SYT1: variants seen among roughly 807,000 people sequenced by gnomAD.
SYT1 encodes the protein synaptotagmin-1.
Under a neutral mutation model 44.8 loss-of-function variants are expected in SYT1, and 8 were observed. The ratio of observed to expected loss-of-function variants is 0.18; its 90% CI spans 0.10 to 0.32. The LOEUF is 0.32. Among genes scored for constraint, SYT1 ranks in the 10% least tolerant of loss-of-function variants. The probability of loss-of-function intolerance (pLI) is 1.00; values close to 1 mark genes in which losing one functional copy is unlikely to be tolerated. For missense variants in SYT1, 286 were observed against 509.3 expected (o/e 0.56, Z 4.22); for synonymous variants, 154 against 188.8 (o/e 0.82, Z 1.51).
At chr12:79,017,536 G>A (rs1871885937) in intron 2 of SYT1, among the ~76,000 whole-genome samples, 1 of 152,114 alleles carries the variant, frequency 6.6e-6, no homozygotes, top group South Asian at 2.1e-4. Flanking sequence ...GATAGATGAG[G>A]AGGGGGTTGT....
At chr12:78,967,488 G>A (rs1207982616) in intron 1 of SYT1, among the ~76,000 whole-genome samples, 2 of 152,102 alleles carry the variant, frequency 1.3e-5, no homozygotes, top group Non-Finnish European at 2.9e-5. Context: ...GCATTTCACT[G>A]GAAGAATCAA....
chr12:79,000,488 G>C (rs535721065), intron 2 of SYT1, among the ~76,000 whole-genome samples: 1 of 151,772 alleles, frequency 6.6e-6, no homozygotes, highest in African/African-American at 2.4e-5. Context: ...TAGTAGAGAC[G>C]GGGTTTCACT....
intron 4 of SYT1, among the ~76,000 whole-genome samples, chr12:79,278,428 G>A (rs574883055): frequency 9.3e-5 from 14 of 151,254 alleles, no homozygotes; most frequent in African/African-American, 3.2e-4. Flanking sequence ...GGTCAATGAT[G>A]AAATTAAGAC....
At chr12:79,041,278 T>A (rs1314024422) in intron 2 of SYT1, among the ~76,000 whole-genome samples, 2 of 152,208 alleles carry the variant, frequency 1.3e-5, no homozygotes, top group Non-Finnish European at 2.9e-5. Flanking sequence ...CTTCCATTTG[T>A]TTGTATCCTC....
At chr12:79,402,496 T>G (rs1885105947) in intron 9 of SYT1, among the ~76,000 whole-genome samples, 1 of 152,164 alleles carries the variant, frequency 6.6e-6, no homozygotes, top group Non-Finnish European at 1.5e-5. Context: ...ACAATACCAC[T>G]CTTGGATGGG....
chr12:78,864,385 GCT>G (rs1592503251), upstream of SYT1: 1 of 150,004 alleles, frequency 6.7e-6, no homozygotes, highest in Admixed American at 6.6e-5. Context: ...TTTGTATTAT[GCT>G]CTCTTTCTCC....
chr12:79,040,955 A>G (rs1266557342), intron 2 of SYT1, among the ~76,000 whole-genome samples: 6 of 151,586 alleles, frequency 4.0e-5, no homozygotes, highest in Admixed American at 3.9e-4. Context: ...GTTATTTCTG[A>G]GGGCTCTGTT....
At chr12:79,318,054 T>A (rs991848169) in intron 8 of SYT1, among the ~76,000 whole-genome samples, 5 of 152,236 alleles carry the variant, frequency 3.3e-5, no homozygotes, top group Non-Finnish European at 7.3e-5. Context: ...CAAAAATGTA[T>A]GGTTCCCTAA....
intron 9 of SYT1, among the ~76,000 whole-genome samples, chr12:79,365,659 T>C (rs1222353639): frequency 1.3e-5 from 2 of 152,046 alleles, no homozygotes; most frequent in East Asian, 3.8e-4. Flanking sequence ...AAAATTTACT[T>C]GCTGCTGCTT....
At chr12:79,257,440 C>A (rs1344527149) in intron 4 of SYT1, among the ~76,000 whole-genome samples, 5 of 152,228 alleles carry the variant, frequency 3.3e-5, no homozygotes, top group African/African-American at 1.2e-4. Flanking sequence ...CTGTTAACAG[C>A]ATCCCATTGT....
chr12:79,033,149 G>A (rs1438028702), intron 2 of SYT1, among the ~76,000 whole-genome samples: 1 of 151,290 alleles, frequency 6.6e-6, no homozygotes, highest in Non-Finnish European at 1.5e-5. Context: ...TGGAAGCTGA[G>A]AAAACAGCTC....
At chr12:79,068,185 C>G (rs1472965822) in intron 3 of SYT1, among the ~76,000 whole-genome samples, 2 of 152,120 alleles carry the variant, frequency 1.3e-5, no homozygotes, top group Non-Finnish European at 2.9e-5. Context: ...AGTCAACTTT[C>G]AATCTGGTTT....
intron 2 of SYT1, among the ~76,000 whole-genome samples, chr12:79,004,412 A>G (rs181161353): frequency 3.0e-4 from 46 of 152,070 alleles, no homozygotes; most frequent in African/African-American, 1.1e-3. Flanking sequence ...ACTGAGCTCT[A>G]CACAAATTTT....
intron 3 of SYT1, among the ~76,000 whole-genome samples, chr12:79,106,638 T>A (rs1198906311): frequency 6.6e-6 from 1 of 151,562 alleles, no homozygotes; most frequent in African/African-American, 2.4e-5. Flanking sequence ...AAGCCTAGAA[T>A]AACTTCCTAA....
chr12:79,445,632 C>A (rs1350105959), intron 10 of SYT1, among the ~76,000 whole-genome samples: 1 of 151,738 alleles, frequency 6.6e-6, no homozygotes, highest in Non-Finnish European at 1.5e-5. Flanking sequence ...AGGATTCATT[C>A]TTTTTTATGG....
intron 1 of SYT1, among the ~76,000 whole-genome samples, chr12:78,957,794 A>G (rs1168533984): frequency 6.6e-6 from 1 of 152,102 alleles, no homozygotes; most frequent in Non-Finnish European, 1.5e-5. Flanking sequence ...GTTTTCAAAT[A>G]ATACTCACAA....
chr12:78,905,734 A>G (rs1875943181), intron 1 of SYT1, among the ~76,000 whole-genome samples: 1 of 152,108 alleles, frequency 6.6e-6, no homozygotes, highest in Non-Finnish European at 1.5e-5. Flanking sequence ...TTTTAAGGGA[A>G]ATGACCTAGG....
intron 1 of SYT1, among the ~76,000 whole-genome samples, chr12:78,892,971 G>A (rs942846682): frequency 6.6e-6 from 1 of 151,740 alleles, no homozygotes; most frequent in Admixed American, 6.6e-5. Context: ...TTCTCATAAT[G>A]GTTTGGACTC....
At chr12:79,051,577 A>G (rs1874494146) in intron 3 of SYT1, among the ~76,000 whole-genome samples, 1 of 151,636 alleles carries the variant, frequency 6.6e-6, no homozygotes, top group African/African-American at 2.4e-5. Context: ...ACAGTGAAAA[A>G]ACAACTAGAT....
Sources: gnomAD v4.1 joint callset for allele counts (sites outside exome capture counted in the v4.1 genomes callset) on GRCh38, gnomAD v4.1.1 for gene constraint, MANE v1.5 for transcripts, NCBI Gene and HGNC (gene_info 2026-07-23, HGNC 2026-07-21) for gene names.